Variants in FER observed in about 807,000 individuals in gnomAD.
The protein encoded by FER is FER tyrosine kinase, also known as tyrosine-protein kinase Fer.
A neutral mutation model predicts 111.0 loss-of-function variants in FER; 63 were observed. The ratio of observed to expected loss-of-function variants is 0.57; its 90% CI spans 0.46 to 0.70. FER has a LOEUF of 0.70. FER is among the 30% of genes least tolerant of loss of function. The pLI, the probability that FER is intolerant of heterozygous loss-of-function variation, is 0.00. For missense variants in FER, 914 were observed against 954.0 expected, an observed-to-expected ratio of 0.96 and a Z score of 0.55; for synonymous variants, 327 against 313.9, an observed-to-expected ratio of 1.04 and a Z score of -0.44.
intron 13 of FER, among the ~76,000 whole-genome samples, chr5:109,006,522 A>G (rs893909072): frequency 6.6e-6 from 1 of 152,156 alleles, no homozygotes; most frequent in Non-Finnish European, 1.5e-5. Flanking sequence ...TTCCTTTATA[A>G]ATTACCCAGT....
Position 108,832,810 on chromosome 5 carries a change from G to C in FER, c.248G>C (p.Arg83Thr). 6.3e-7 allele frequency: 1 copy of C among 1,583,650 alleles called. No homozygotes were observed. The highest frequency in any genetic ancestry group is 8.6e-7 in the Non-Finnish European group (1 of 1,165,548). Residue 83 changes from arginine to threonine, a missense_variant, in exon 4 of 20, where the codon AGG (arginine) becomes ACG (threonine). Physicochemically the swap from Arg to Thr is moderately conservative, Grantham distance 71. Around this residue, in one of 3 missense-constraint regions of FER, gnomAD observed 774 missense variants for 782.6 expected, o/e 0.99. Transcript: ENST00000281092. ...LMIQQTEQLS[R>T]IMKTHAEDLN... The stretch of plus-strand genomic sequence containing the variant: ...ATTCAGCAGACAGAACAACTTAGTA[G>C]GATAATGAAGACACATGCAGAGGAC...
At chr5:108,822,014 C>A (rs956015457) in intron 3 of FER, among the ~76,000 whole-genome samples, 9 of 152,110 alleles carry the variant, frequency 5.9e-5, no homozygotes, top group African/African-American at 1.9e-4. Flanking sequence ...ATTTTCTTCA[C>A]CCCTATCCCC....
chr5:109,183,245 C>A (rs900260362), intron 18 of FER, among the ~76,000 whole-genome samples: 2 of 74,808 alleles, frequency 2.7e-5, no homozygotes, highest in African/African-American at 5.0e-5. Flanking sequence ...TAAATCCTAG[C>A]GTGTTTTTTT....
chr5:109,020,662 C>T (rs532570593), intron 13 of FER, among the ~76,000 whole-genome samples: 1 of 151,898 alleles, frequency 6.6e-6, no homozygotes, highest in African/African-American at 2.4e-5. Flanking sequence ...TTATATATCC[C>T]CTTGTGAACT....
At chr5:109,167,768 G>C (rs1048974291) in intron 17 of FER, among the ~76,000 whole-genome samples, 1 of 152,136 alleles carries the variant, frequency 6.6e-6, no homozygotes, top group Non-Finnish European at 1.5e-5. Flanking sequence ...TACCCTATCT[G>C]AATGGGAGTG....
intron 13 of FER, among the ~76,000 whole-genome samples, chr5:109,008,933 G>C (rs1765855962): frequency 6.6e-6 from 1 of 151,984 alleles, no homozygotes; most frequent in Non-Finnish European, 1.5e-5. Context: ...TCGTGCCGTT[G>C]CACTCTAGCC....
At chr5:109,037,622 A>G (rs902761238) in intron 14 of FER, 144 bp downstream of exon 14, 3 of 567,244 alleles carry the variant, frequency 5.3e-6, no homozygotes, top group Non-Finnish European at 6.2e-6. Flanking sequence ...TATCTTCTCA[A>G]TATTGTGATG....
At chr5:108,828,576 T>G (rs957652590) in intron 3 of FER, among the ~76,000 whole-genome samples, 9 of 152,240 alleles carry the variant, frequency 5.9e-5, no homozygotes, top group Admixed American at 2.0e-4. Flanking sequence ...AACAGTGTTT[T>G]TTCCTGATTG....
intron 9 of FER, among the ~76,000 whole-genome samples, chr5:108,896,849 A>G (rs1749184304): frequency 6.6e-6 from 1 of 152,226 alleles, no homozygotes; most frequent in Non-Finnish European, 1.5e-5. Context: ...TGTCTCTTAC[A>G]TATTAATAAC....
intron 3 of FER, among the ~76,000 whole-genome samples, chr5:108,832,377 G>C (rs145584908): frequency 6.6e-6 from 1 of 152,328 alleles, no homozygotes; most frequent in African/African-American, 2.4e-5. Context: ...TTAAGATGTG[G>C]ATGGGACAAT....
In FER at chr5:109,191,686, A is replaced by G. The variant is rs761841484; in HGVS notation, c.*4111A>G. 6.6e-6 allele frequency: 1 copy of G among 152,160 alleles called. No individual in the cohort carries two copies. Among genetic ancestry groups the G allele is most frequent in the Non-Finnish European group, 1.5e-5 (1 of 68,028 alleles). 9.4% of individuals were successfully genotyped at this position (152,160 alleles called of 1,614,324 possible). The stretch of plus-strand genomic sequence containing the variant: ...GAAAGTTTACCATCAAAATAGCGTT[A>G]CTTCTTTTATGACTAACTCTGATTT... On this transcript the variant is annotated 3_prime_UTR_variant, in exon 20 of 20. Coordinates refer to ENST00000281092, the MANE Select transcript of FER (RefSeq NM_005246.4).
At chr5:109,031,905 GTTTATC>G (rs1769679753) in intron 13 of FER, among the ~76,000 whole-genome samples, 1 of 152,104 alleles carries the variant, frequency 6.6e-6, no homozygotes, top group Non-Finnish European at 1.5e-5. Flanking sequence ...TGTAATCTAA[GTTTATC>G]TTTAACTCAT....
At chr5:108,785,401 C>T (rs1156418023) in intron 2 of FER, 22 of 587,670 alleles carry the variant, frequency 3.7e-5, no homozygotes, top group African/African-American at 9.3e-5. Flanking sequence ...TAAATATCAT[C>T]GTAGATGAAC....
intron 16 of FER, among the ~76,000 whole-genome samples, chr5:109,075,614 G>A (rs1215187305): frequency 5.9e-5 from 9 of 151,700 alleles, no homozygotes; most frequent in Non-Finnish European, 1.0e-4. Flanking sequence ...TAGTAGAGAC[G>A]GGGTTTCACC....
At chr5:108,798,576 G>A (rs1756301240) in intron 3 of FER, among the ~76,000 whole-genome samples, 187 bp downstream of exon 3, 1 of 152,156 alleles carries the variant, frequency 6.6e-6, no homozygotes, top group Non-Finnish European at 1.5e-5. Flanking sequence ...GGCCGGGCAT[G>A]GTGGCTCACA....
chr5:109,043,448 G>A (rs1287876187), intron 14 of FER, among the ~76,000 whole-genome samples: 3 of 152,030 alleles, frequency 2.0e-5, no homozygotes. Context: ...AAATATTTGA[G>A]TTGACTATTA....
At chr5:108,965,291 C>G (rs1028212342) in intron 13 of FER, among the ~76,000 whole-genome samples, 4 of 152,146 alleles carry the variant, frequency 2.6e-5, no homozygotes. Flanking sequence ...GGCAAGCCAG[C>G]CTTCTAACTT....
At chr5:108,785,176 C>G (rs1754549149) in intron 2 of FER, 1 of 613,604 alleles carries the variant, frequency 1.6e-6, no homozygotes. Context: ...ACATTGGCCA[C>G]ACAGGTTATC....
chr5:108,896,334 T>C (rs1467675048), intron 9 of FER, among the ~76,000 whole-genome samples: 2 of 152,154 alleles, frequency 1.3e-5, no homozygotes, highest in African/African-American at 4.8e-5. Flanking sequence ...ATCAGAAATG[T>C]CAATTTATTA....
Sources: gnomAD v4.1 joint callset for allele counts (sites outside exome capture counted in the v4.1 genomes callset) on GRCh38, gnomAD v4.1.1 for gene constraint, gnomAD v4.1.1 regional missense constraint, MANE v1.5 for transcripts, NCBI Gene and HGNC (gene_info 2026-07-23, HGNC 2026-07-21) for gene names.